Variants in DDX60 observed in about 807,000 individuals in gnomAD.
DDX60 encodes the protein probable ATP-dependent RNA helicase DDX60.
A neutral mutation model predicts 212.8 loss-of-function variants in DDX60; 165 were observed. That is an observed-to-expected ratio of 0.78 (90% CI 0.68 to 0.88). The LOEUF (loss-of-function observed/expected upper bound fraction) is 0.88, where lower values mean the gene tolerates loss of function less well. Among genes scored for constraint, DDX60 ranks in the 40% least tolerant of loss-of-function variants. DDX60 has a pLI of 0.00. For missense variants in DDX60, 1,905 were observed against 2,003.9 expected, an observed-to-expected ratio of 0.95 and a Z score of 0.94; for synonymous variants, 703 against 685.3, an observed-to-expected ratio of 1.03 and a Z score of -0.40.
chr4:168,321,787 C>T (rs1296439707), upstream of DDX60, among the ~76,000 whole-genome samples: 3 of 152,182 alleles, frequency 2.0e-5, no homozygotes, highest in Admixed American at 6.5e-5. Context: ...TTTAACATCT[C>T]TTTGTCAACT....
At chr4:168,222,753 TCAGAAAATTATTTTAACC>T (rs1733107226) in intron 35 of DDX60, among the ~76,000 whole-genome samples, 1 of 152,058 alleles carries the variant, frequency 6.6e-6, no homozygotes, top group African/African-American at 2.4e-5. Flanking sequence ...TCTATATGAC[TCAGAAAATTATTTTAACC>T]CAGAAAATCA....
At chr4:168,242,117 G>T in intron 30 of DDX60, among the ~76,000 whole-genome samples, 1 of 152,208 alleles carries the variant, frequency 6.6e-6, no homozygotes, top group East Asian at 1.9e-4. Flanking sequence ...GTCAAGAACT[G>T]AGGTATGGGA....
chr4:168,252,583 C>T lies in DDX60; in HGVS notation c.3631G>A (p.Val1211Met). Residue 1211 changes from valine to methionine, a missense_variant, in exon 27 of 38, where the codon GTG (valine) becomes ATG (methionine). By Grantham distance (21) the Val-to-Met change is conservative. Coordinates refer to ENST00000393743, the MANE Select transcript of DDX60 (RefSeq NM_017631.6). ...LIHEAEHDNLVKCLEKNLEIP... is the reference protein window; with the variant it reads ...LIHEAEHDNLMKCLEKNLEIP... The stretch of plus-strand genomic sequence containing the variant: ...TCCAGGTTCTTCTCTAGACACTTCA[C>T]TAGATTATCATGTTCAGCTTCATGT... 6.2e-7 allele frequency: 1 copy of T among 1,613,910 alleles called. No individual in the cohort carries two copies.
Position 168,287,170 on chromosome 4 carries a change from T to G in DDX60, c.1217A>C (p.Lys406Thr). The G allele has an allele frequency of 6.2e-7, 1 of 1,609,898 alleles. No individual in the cohort carries two copies. Among genetic ancestry groups the G allele is most frequent in the Non-Finnish European group, 8.5e-7 (1 of 1,178,570 alleles). Residue 406 changes from lysine (K) to threonine (T), a missense_variant, in exon 10 of 38, where the codon AAA becomes ACA. Coordinates refer to ENST00000393743, the MANE Select transcript of DDX60 (RefSeq NM_017631.6). ...GGTATTCCAGAGATATTCATAATCT[T>G]TCATAATGGTATCTCCCAAATTCAA... ...LHLNLGDTIMKDYEYLWNTVS... is the reference protein window; with the variant it reads ...LHLNLGDTIMTDYEYLWNTVS...
chr4:168,311,931 C>T (rs1737150991), intron 1 of DDX60, among the ~76,000 whole-genome samples: 1 of 152,122 alleles, frequency 6.6e-6, no homozygotes, highest in African/African-American at 2.4e-5. Context: ...ATTAGTCCAG[C>T]TACAATATAG....
At chr4:168,219,565 C>G (rs1732976630) in intron 37 of DDX60, among the ~76,000 whole-genome samples, 1 of 152,106 alleles carries the variant, frequency 6.6e-6, no homozygotes, top group Non-Finnish European at 1.5e-5. Flanking sequence ...AAAAGTTTTA[C>G]TCTGTTATAA....
At chr4:168,226,125 T>A (rs1733245848) in intron 33 of DDX60, among the ~76,000 whole-genome samples, 1 of 152,120 alleles carries the variant, frequency 6.6e-6, no homozygotes, top group Admixed American at 6.6e-5. Context: ...ATTTTTTCAC[T>A]TACATTCATG....
chr4:168,246,107 C>T (rs576636258), intron 30 of DDX60, among the ~76,000 whole-genome samples: 1 of 152,128 alleles, frequency 6.6e-6, no homozygotes, highest in South Asian at 2.1e-4. Flanking sequence ...GTCTATTAGT[C>T]ACCTAGAGCT....
intron 19 of DDX60, 89 bp from the exon 20 acceptor site, chr4:168,269,058 T>G (rs575623903): frequency 1.1e-4 from 72 of 673,174 alleles, no homozygotes; most frequent in Non-Finnish European, 1.6e-4. Context: ...GAAATTGTCA[T>G]GCATGCCTTC....
chr4:168,324,989 T>G, the DDX60 span, among the ~76,000 whole-genome samples: 1 of 152,202 alleles, frequency 6.6e-6, no homozygotes, highest in Non-Finnish European at 1.5e-5. Context: ...AAGAGGCTGG[T>G]GAAATACACA....
intron 20 of DDX60, among the ~76,000 whole-genome samples, chr4:168,268,272 T>C: frequency 6.6e-6 from 1 of 152,172 alleles, no homozygotes; most frequent in East Asian, 1.9e-4. Flanking sequence ...TAAGCTTAAA[T>C]CATAAGGGTT....
intron 30 of DDX60, among the ~76,000 whole-genome samples, chr4:168,240,178 C>T (rs1284444195): frequency 6.6e-6 from 1 of 152,078 alleles, no homozygotes; most frequent in Non-Finnish European, 1.5e-5. Context: ...AAACCAACAA[C>T]AGACAAGCGG....
upstream of DDX60, among the ~76,000 whole-genome samples, chr4:168,322,129 C>T (rs1737620941): frequency 1.3e-5 from 2 of 152,148 alleles, no homozygotes; most frequent in Non-Finnish European, 2.9e-5. Context: ...CCAAACAATG[C>T]TTGTTTAGTC....
chr4:168,248,217 C>T lies in DDX60; in HGVS notation c.3934G>A (p.Val1312Ile). ...CKSVVFAQNS[V>I]YLDALNYRQM... ...CTATAATTCAACGCATCCAGATAGA[C>T]TGAGTTTTGAGCAAAAACCACAGAT... The change falls in exon 29 of 38, where the codon GTC (valine) becomes ATC (isoleucine). Residue 1312 changes from valine (V) to isoleucine (I), a missense_variant. Transcript: ENST00000393743. 1 of 1,611,086 alleles carries T rather than the reference C, an allele frequency of 6.2e-7. No individual in the cohort carries two copies. The highest frequency in any genetic ancestry group is 1.3e-5 in the African/African-American group (1 of 74,912).
At chr4:168,261,858 G>T in intron 24 of DDX60, 142 bp downstream of exon 24, 2 of 958,624 alleles carry the variant, frequency 2.1e-6, no homozygotes, top group Non-Finnish European at 1.5e-6. Context: ...TTCTATCTCA[G>T]AATTACTAGA....
chr4:168,282,327 G>C (rs193101010), intron 13 of DDX60, among the ~76,000 whole-genome samples: 2 of 152,272 alleles, frequency 1.3e-5, no homozygotes, highest in African/African-American at 4.8e-5. Flanking sequence ...TTTTTGATAA[G>C]TCCTTGAACT....
chr4:168,297,287 G>A lies in DDX60; in HGVS notation c.724-3342C>T, dbSNP rs570547195. Among the ~76,000 whole-genome samples, 28 of 123,426 alleles carry A rather than the reference G, an allele frequency of 2.3e-4. 1 individual carries two copies. Among genetic ancestry groups the A allele is most frequent in the African/African-American group, 9.4e-4 (27 of 28,872 alleles). 81.0% of individuals were successfully genotyped at this position (123,426 alleles called of 152,430 possible). On this transcript the variant is annotated intron_variant, in intron 6 of 37. Coordinates refer to ENST00000393743, the MANE Select transcript of DDX60 (RefSeq NM_017631.6). Reference sequence around the variant, plus strand: ...AGAAAGAAAAAGAAAGAAAGAAAGAGAGAGAGAGACGAAAGAAAGAAAGAA... The same window carrying A: ...AGAAAGAAAAAGAAAGAAAGAAAGAAAGAGAGAGACGAAAGAAAGAAAGAA...
intron 30 of DDX60, among the ~76,000 whole-genome samples, chr4:168,243,551 A>T (rs941672294): frequency 6.6e-5 from 10 of 152,248 alleles, no homozygotes; most frequent in African/African-American, 2.4e-4. Flanking sequence ...AACCACAATG[A>T]GATACCATCT....
At chr4:168,269,579 C>T (rs1312990086) in intron 19 of DDX60, among the ~76,000 whole-genome samples, 1 of 151,276 alleles carries the variant, frequency 6.6e-6, no homozygotes, top group Non-Finnish European at 1.5e-5. Context: ...CCAGCCTGGG[C>T]AACAGAGCGA....
Sources: allele counts gnomAD v4.1 joint callset (sites outside exome capture counted in the v4.1 genomes callset), GRCh38; gene constraint gnomAD v4.1.1; transcripts MANE v1.5; gene names NCBI Gene and HGNC (gene_info 2026-07-23, HGNC 2026-07-21).